The following NDST4 variants were observed in gnomAD, a reference collection of about 807,000 sequenced individuals.
NDST4 encodes N-heparan sulfate sulfotransferase 4.
In NDST4, 63 loss-of-function variants were observed where a neutral mutation model predicts 100.8. That is an observed-to-expected ratio of 0.62 (90% CI 0.51 to 0.77). NDST4 has a LOEUF of 0.77. Ranked by LOEUF, NDST4 falls within the 30% of genes least tolerant of loss-of-function variation. The pLI is 0.00. For missense variants in NDST4, 943 were observed against 1,018.4 expected, an observed-to-expected ratio of 0.93 and a Z score of 1.01; for synonymous variants, 377 against 361.8, an observed-to-expected ratio of 1.04 and a Z score of -0.48.
intron 6 of NDST4, among the ~76,000 whole-genome samples, chr4:114,918,948 T>C (rs1342740181): frequency 6.6e-6 from 1 of 152,210 alleles, no homozygotes; most frequent in Non-Finnish European, 1.5e-5. Flanking sequence ...AATAAAACTC[T>C]CCATTTTTCC....
rs369319870 is a variant in NDST4, at chr4:115,010,452, C to T, written c.979-33178G>A. ...ATCGCAAGAACAAAAAAACAAACAC[C>T]GCATATTCTTACTCATAGGTGGGAA... On this transcript the variant is annotated intron_variant, in intron 2 of 13. Transcript: ENST00000264363. Among the ~76,000 whole-genome samples the T allele has an allele frequency of 2.7e-4, 35 of 127,826 alleles. 9 individuals carry two copies. In the South Asian group the frequency reaches 9.2e-3, roughly 34 times the overall value. 83.9% of individuals were successfully genotyped at this position (127,826 alleles called of 152,430 possible).
intron 1 of NDST4, among the ~76,000 whole-genome samples, chr4:115,087,951 T>G (rs1729440566): frequency 6.6e-6 from 1 of 151,968 alleles, no homozygotes; most frequent in Non-Finnish European, 1.5e-5. Context: ...TCTATATTTT[T>G]CTGTATAATG....
rs1725650300 is a variant in NDST4, at chr4:114,937,304, C to A, written c.1407+14G>T. ...TATTAACATCCTTCAATATACATGGCTCTCTGTGCTCACCATGATGCTATT... is the reference window on the plus strand; with the variant it reads ...TATTAACATCCTTCAATATACATGGATCTCTGTGCTCACCATGATGCTATT... On this transcript the variant is annotated intron_variant, in intron 5 of 13. Coordinates refer to ENST00000264363, the MANE Select transcript of NDST4 (RefSeq NM_022569.3). The A allele has an allele frequency of 3.7e-6, 6 of 1,613,048 alleles. No individual in the cohort carries two copies. The highest frequency in any genetic ancestry group is 5.1e-6 in the Non-Finnish European group (6 of 1,179,210).
At chr4:114,882,979 G>A (rs916017473) in intron 6 of NDST4, among the ~76,000 whole-genome samples, 2 of 151,910 alleles carry the variant, frequency 1.3e-5, no homozygotes, top group South Asian at 4.1e-4. Flanking sequence ...CTACCAATCT[G>A]GGATTCTATA....
intron 6 of NDST4, among the ~76,000 whole-genome samples, chr4:114,912,796 A>G (rs1008453988): frequency 1.1e-4 from 16 of 152,124 alleles, no homozygotes; most frequent in African/African-American, 3.9e-4. Context: ...TAGCGTCACA[A>G]CAACAAAGTA....
intron 2 of NDST4, among the ~76,000 whole-genome samples, chr4:114,995,128 A>C (rs184026375): frequency 6.6e-6 from 1 of 152,142 alleles, no homozygotes; most frequent in East Asian, 1.9e-4. Flanking sequence ...CTTTCTCATT[A>C]TTACTAATTT....
intron 6 of NDST4, among the ~76,000 whole-genome samples, chr4:114,883,411 T>C (rs1724412747): frequency 6.6e-6 from 1 of 152,070 alleles, no homozygotes; most frequent in Admixed American, 6.6e-5. Context: ...GTTTAAAATG[T>C]ATATTGTCAA....
chr4:114,878,595 C>T (rs931420459), intron 6 of NDST4, among the ~76,000 whole-genome samples: 23 of 152,200 alleles, frequency 1.5e-4, no homozygotes, highest in African/African-American at 4.6e-4. Context: ...AGAATGCCTA[C>T]GCTTGAGCAC....
chr4:115,055,709 A>G (rs979443815), intron 2 of NDST4, among the ~76,000 whole-genome samples: 6 of 152,128 alleles, frequency 3.9e-5, no homozygotes, highest in African/African-American at 1.4e-4. Flanking sequence ...TGTGCAAAGT[A>G]ATACTTGACT....
At chr4:114,939,982 AC>A (rs1422221916) in intron 4 of NDST4, among the ~76,000 whole-genome samples, 1 of 152,182 alleles carries the variant, frequency 6.6e-6, no homozygotes, top group Non-Finnish European at 1.5e-5. Flanking sequence ...AGGGCTTAAA[AC>A]CTACTTCGCA....
chr4:114,988,995 C>T (rs986324698), intron 2 of NDST4, among the ~76,000 whole-genome samples: 1 of 152,078 alleles, frequency 6.6e-6, no homozygotes, highest in Non-Finnish European at 1.5e-5. Flanking sequence ...AAGTCTCTCC[C>T]TCTGACAAAA....
At chr4:114,903,037 A>G (rs1216549581) in intron 6 of NDST4, among the ~76,000 whole-genome samples, 1 of 152,124 alleles carries the variant, frequency 6.6e-6, no homozygotes, top group Non-Finnish European at 1.5e-5. Flanking sequence ...ACAGTTGTCT[A>G]AAACTATTGT....
intron 12 of NDST4, among the ~76,000 whole-genome samples, chr4:114,832,630 G>C (rs1320687267): frequency 6.6e-6 from 1 of 152,098 alleles, no homozygotes; most frequent in East Asian, 1.9e-4. Flanking sequence ...TGGTGATGCT[G>C]TCCCACCCCA....
chr4:114,868,590 A>T (rs938475678), intron 7 of NDST4, among the ~76,000 whole-genome samples: 1 of 152,000 alleles, frequency 6.6e-6, no homozygotes, highest in African/African-American at 2.4e-5. Flanking sequence ...TCTATTTTCT[A>T]TTCCTTGTTT....
chr4:114,970,388 A>G, intron 4 of NDST4, 42 bp downstream of exon 4: 1 of 1,566,162 alleles, frequency 6.4e-7, no homozygotes, highest in African/African-American at 1.4e-5. Context: ...CCACAAGATC[A>G]CAACTTATAG....
intron 4 of NDST4, among the ~76,000 whole-genome samples, chr4:114,944,794 A>G (rs1472220620): frequency 6.6e-6 from 1 of 152,180 alleles, no homozygotes; most frequent in African/African-American, 2.4e-5. Flanking sequence ...AACATATCCG[A>G]AAGCTTCACA....
intron 2 of NDST4, among the ~76,000 whole-genome samples, chr4:115,022,115 G>T (rs552633221): frequency 2.3e-5 from 3 of 128,540 alleles, no homozygotes; most frequent in East Asian, 4.2e-4. Context: ...GTCTATACAC[G>T]TTCCATATAT....
intron 2 of NDST4, among the ~76,000 whole-genome samples, chr4:115,009,575 A>T (rs1367152127): frequency 1.6e-5 from 2 of 123,704 alleles, no homozygotes; most frequent in Non-Finnish European, 3.4e-5. Flanking sequence ...CTAAAACCAT[A>T]AAAACCCTAG....
chr4:114,941,074 T>A (rs1725740063), intron 4 of NDST4, among the ~76,000 whole-genome samples: 1 of 152,194 alleles, frequency 6.6e-6, no homozygotes. Context: ...GTTGGGAACC[T>A]CCCTCTTCTA....
Sources: gnomAD v4.1 joint callset for allele counts (sites outside exome capture counted in the v4.1 genomes callset) on GRCh38, gnomAD v4.1.1 for gene constraint, MANE v1.5 for transcripts, NCBI Gene and HGNC (gene_info 2026-07-23, HGNC 2026-07-21) for gene names.